Variants in TRIO observed in about 807,000 individuals in gnomAD.
TRIO encodes triple functional domain protein.
Under a neutral mutation model 351.9 loss-of-function variants are expected in TRIO, and 58 were observed. That is an observed-to-expected ratio of 0.16 (90% CI 0.13 to 0.21). TRIO has a LOEUF of 0.21. TRIO is among the 10% of genes least tolerant of loss of function. TRIO has a pLI of 1.00. For missense variants in TRIO, 3,201 were observed against 4,027.8 expected (o/e 0.79, Z 5.56); for synonymous variants, 1,758 against 1,595.7 (o/e 1.10, Z -2.42).
intron 46 of TRIO, among the ~76,000 whole-genome samples, chr5:14,483,998 ACACCCATCCCCTGCACTG>A (rs894408528): frequency 4.6e-5 from 7 of 151,308 alleles, no homozygotes; most frequent in Admixed American, 6.6e-5. Flanking sequence ...CATCTGAACT[ACACCCATCCCCTGCACTG>A]CACCCATCCC....
At chr5:14,174,379 C>G (rs1211347250) in intron 1 of TRIO, among the ~76,000 whole-genome samples, 1 of 152,202 alleles carries the variant, frequency 6.6e-6, no homozygotes, top group African/African-American at 2.4e-5. Flanking sequence ...ACAGGCAAGC[C>G]CCAGCAAAGC....
chr5:14,144,524 G>T (rs1195446142), intron 1 of TRIO, among the ~76,000 whole-genome samples: 1 of 152,158 alleles, frequency 6.6e-6, no homozygotes, highest in Non-Finnish European at 1.5e-5. Flanking sequence ...AGGACCGGGA[G>T]GCGCGGTGAG....
intron 18 of TRIO, among the ~76,000 whole-genome samples, chr5:14,370,232 C>T (rs540119811): frequency 1.3e-5 from 2 of 152,094 alleles, no homozygotes; most frequent in East Asian, 3.9e-4. Context: ...CTTAAGCGGT[C>T]CTCCCGCTTC....
chr5:14,299,209 G>T (rs984942947), intron 7 of TRIO, among the ~76,000 whole-genome samples: 1 of 152,154 alleles, frequency 6.6e-6, no homozygotes, highest in African/African-American at 2.4e-5. Context: ...AGAGCCTGGG[G>T]TATTCTCATC....
chr5:14,467,079 G>A (rs1460748529), intron 37 of TRIO, among the ~76,000 whole-genome samples: 2 of 152,106 alleles, frequency 1.3e-5, no homozygotes, highest in Non-Finnish European at 2.9e-5. Context: ...AACTTGACTA[G>A]CCACTAAGGG....
chr5:14,187,749 GTTA>G lies in TRIO; in HGVS notation c.157+43870_157+43872del, dbSNP rs551476088. On this transcript the variant is annotated intron_variant, in intron 1 of 56. Transcript: ENST00000344204. ...TGTGAAGTACTTTTAAGTGATTATTGTTATTTAGGTGTTGCGTTCTGTGGAGTT... is the reference window on the plus strand; with the variant it reads ...TGTGAAGTACTTTTAAGTGATTATTGTTTAGGTGTTGCGTTCTGTGGAGTT... 1.4e-4 allele frequency among the ~76,000 whole-genome samples: 22 copies of G among 152,246 alleles called. No homozygotes were observed. The East Asian group carries it at 4.0e-3, about 28-fold the overall frequency.
In TRIO at chr5:14,307,350, C is replaced by T. The variant is rs931056435; in HGVS notation, c.1500+2758C>T. On this transcript the variant is annotated intron_variant, in intron 8 of 56. Transcript: ENST00000344204. ...GTCTGGGGCACTGTCCAGCAATGTGCGCTACATTTAATTGCCATGTCTTAC... is the reference window on the plus strand; with the variant it reads ...GTCTGGGGCACTGTCCAGCAATGTGTGCTACATTTAATTGCCATGTCTTAC... 1.5e-4 allele frequency among the ~76,000 whole-genome samples: 23 copies of T among 152,160 alleles called. No homozygotes were observed. The East Asian group carries it at 1.7e-3, about 11-fold the overall frequency.
intron 1 of TRIO, among the ~76,000 whole-genome samples, chr5:14,241,761 T>A (rs1056237642): frequency 6.6e-6 from 1 of 152,212 alleles, no homozygotes; most frequent in African/African-American, 2.4e-5. Flanking sequence ...CCCCAGACAC[T>A]CTATAATTGG....
chr5:14,364,553 A>G, intron 14 of TRIO, 97 bp from the exon 15 acceptor site: 2 of 1,445,444 alleles, frequency 1.4e-6, no homozygotes, highest in Non-Finnish European at 1.9e-6. Flanking sequence ...CCAGCTGGGC[A>G]GATCATTCAC....
chr5:14,293,703 G>T (rs1358936071), intron 6 of TRIO, among the ~76,000 whole-genome samples: 3 of 152,188 alleles, frequency 2.0e-5, no homozygotes, highest in South Asian at 2.1e-4. Context: ...GGATCTTAGA[G>T]GCCAGATAGG....
intron 28 of TRIO, among the ~76,000 whole-genome samples, chr5:14,395,159 A>G (rs1417229470): frequency 1.3e-5 from 2 of 152,216 alleles, no homozygotes; most frequent in Admixed American, 6.5e-5. Context: ...ACAGACAGTA[A>G]TAAGTAGCTA....
chr5:14,383,297 A>T (rs1041233976), intron 21 of TRIO, among the ~76,000 whole-genome samples: 1 of 152,202 alleles, frequency 6.6e-6, no homozygotes, highest in Admixed American at 6.5e-5. Flanking sequence ...TCAAAGCTAG[A>T]TTTAAGATTT....
intron 34 of TRIO, among the ~76,000 whole-genome samples, chr5:14,435,110 G>A (rs1231677617): frequency 1.3e-5 from 2 of 152,170 alleles, no homozygotes; most frequent in African/African-American, 4.8e-5. Context: ...CTTTTCCTTA[G>A]TTCAGCTAAA....
chr5:14,340,257 C>A (rs947484683), intron 11 of TRIO, among the ~76,000 whole-genome samples: 1 of 151,970 alleles, frequency 6.6e-6, no homozygotes, highest in Non-Finnish European at 1.5e-5. Flanking sequence ...ATTAGCCAGG[C>A]GTGGTGGCGG....
intron 34 of TRIO, among the ~76,000 whole-genome samples, chr5:14,427,939 G>T (rs1012561538): frequency 6.6e-6 from 1 of 152,126 alleles, no homozygotes; most frequent in Admixed American, 6.5e-5. Context: ...CTCCAGCTTT[G>T]CAGAGACCAA....
intron 1 of TRIO, among the ~76,000 whole-genome samples, chr5:14,248,559 C>T (rs1794568888): frequency 6.6e-6 from 1 of 152,232 alleles, no homozygotes; most frequent in South Asian, 2.1e-4. Context: ...CAAGGCCTGC[C>T]TGGAACAGAA....
intron 1 of TRIO, among the ~76,000 whole-genome samples, chr5:14,181,572 G>A (rs1789770716): frequency 6.6e-6 from 1 of 151,976 alleles, no homozygotes; most frequent in Non-Finnish European, 1.5e-5. Context: ...GGGGGGCGTA[G>A]TCTGTGAGAT....
At position 14,394,115 on chromosome 5, in the gene TRIO, T is replaced by C. The variant is rs766465141; in HGVS notation, c.4296T>C (p.Tyr1432=). Residue 1432 remains tyrosine, a synonymous_variant, in exon 28 of 57, where the codon TAT becomes TAC. Transcript: ENST00000344204. The stretch of plus-strand genomic sequence containing the variant: ...AACCAGTTCAGCGAATAACGAAGTA[T>C]CAGCTCCTTTTAAAAGTATGTATAA... ...LIKPVQRITK[Y]QLLLKELLTC... The C allele has an allele frequency of 1.2e-6, 2 of 1,611,086 alleles. No homozygotes were observed. Among genetic ancestry groups the C allele is most frequent in the Non-Finnish European group, 1.7e-6 (2 of 1,177,910 alleles).
intron 33 of TRIO, among the ~76,000 whole-genome samples, chr5:14,419,304 C>T (rs1011968009): frequency 6.6e-6 from 1 of 152,048 alleles, no homozygotes; most frequent in African/African-American, 2.4e-5. Flanking sequence ...TGCTTTGCTT[C>T]GGTTTCAGGG....
Sources: allele counts gnomAD v4.1 joint callset (sites outside exome capture counted in the v4.1 genomes callset), GRCh38; gene constraint gnomAD v4.1.1; transcripts MANE v1.5; gene names NCBI Gene and HGNC (gene_info 2026-07-23, HGNC 2026-07-21).